SYTL2: variants seen among roughly 807,000 people sequenced by gnomAD.
SYTL2 encodes synaptotagmin like 2, also known as synaptotagmin-like protein 2.
In SYTL2, 165 loss-of-function variants were observed where a neutral mutation model predicts 198.7. The ratio of observed to expected loss-of-function variants is 0.83; its 90% CI spans 0.73 to 0.94. SYTL2 has a LOEUF of 0.94. SYTL2 is among the 40% of genes least tolerant of loss of function. The probability of loss-of-function intolerance (pLI) is 0.00; values close to 1 mark genes in which losing one functional copy is unlikely to be tolerated. For missense variants in SYTL2, 2,835 were observed against 2,582.8 expected, an observed-to-expected ratio of 1.10 and a Z score of -2.12; for synonymous variants, 966 against 917.7, an observed-to-expected ratio of 1.05 and a Z score of -0.95.
chr11:85,807,673 T>G (rs1404057867), intron 1 of SYTL2, among the ~76,000 whole-genome samples: 2 of 152,186 alleles, frequency 1.3e-5, no homozygotes. Flanking sequence ...CTGCTCAAAT[T>G]TTGCACATCA....
chr11:85,695,128 T>C lies in SYTL2; in HGVS notation c.*67A>G. On this transcript the variant is annotated 3_prime_UTR_variant, in exon 20 of 20. Transcript: ENST00000359152. ...AAAGTGAGGATATTTGTCCACCTAC[T>C]CAGATTTTCAAGATCAGATTCCACC... 7 of 1,508,828 alleles carry C rather than the reference T, an allele frequency of 4.6e-6. No individual in the cohort carries two copies. The East Asian group carries it at 1.1e-4, about 25-fold the overall frequency. The allele number at this position is 1,508,828 out of a possible 1,614,324, so 93.5% of individuals were successfully genotyped here. A position where few individuals can be genotyped will look rare whatever the true frequency, so the allele number is the denominator to read the frequency against.
chr11:85,701,651 T>C (rs2084313830), intron 16 of SYTL2, among the ~76,000 whole-genome samples: 1 of 152,232 alleles, frequency 6.6e-6, no homozygotes, highest in Admixed American at 6.5e-5. Flanking sequence ...CAAGTGATTT[T>C]GATATAACAT....
At chr11:85,722,112 T>A (rs1427582741) in intron 8 of SYTL2, among the ~76,000 whole-genome samples, 1 of 152,050 alleles carries the variant, frequency 6.6e-6, no homozygotes, top group African/African-American at 2.4e-5. Flanking sequence ...CTATACCATT[T>A]GATACTTCTT....
the SYTL2 span, among the ~76,000 whole-genome samples, chr11:85,842,911 C>T: frequency 3.3e-5 from 5 of 152,162 alleles, no homozygotes; most frequent in Non-Finnish European, 7.3e-5. Context: ...TAGTGCCTAG[C>T]TCATAGTAGC....
chr11:85,800,575 G>A (rs114924356), intron 1 of SYTL2, among the ~76,000 whole-genome samples: 5 of 152,208 alleles, frequency 3.3e-5, no homozygotes, highest in African/African-American at 1.2e-4. Flanking sequence ...CACTATGCCT[G>A]GCCCCCAGGA....
intron 16 of SYTL2, among the ~76,000 whole-genome samples, chr11:85,703,860 A>G (rs2084714443): frequency 6.6e-6 from 1 of 152,172 alleles, no homozygotes; most frequent in African/African-American, 2.4e-5. Flanking sequence ...AAAGTGGCAA[A>G]AGTTCTAATT....
the SYTL2 span, among the ~76,000 whole-genome samples, chr11:85,852,225 T>TA: frequency 6.6e-6 from 1 of 152,158 alleles, no homozygotes; most frequent in Non-Finnish European, 1.5e-5. Context: ...ACAGGTGACT[T>TA]ACGAAGGGAG....
In SYTL2 at chr11:85,775,053, G is replaced by A. The variant is rs566603317; in HGVS notation, c.-389-16939C>T. On this transcript the variant is annotated intron_variant, in intron 1 of 19. Coordinates refer to ENST00000359152, the MANE Select transcript of SYTL2 (RefSeq NM_206927.4). ...AAATGAATGCCAACACCATCACCAA[G>A]CTAGCTTAGGGAGAAAGAGATGAAT... Among the ~76,000 whole-genome samples, 216 of 151,688 alleles carry A rather than the reference G, an allele frequency of 1.4e-3. 2 individuals are homozygous for A. Among genetic ancestry groups the A allele is most frequent in the Non-Finnish European group, 8.8e-5 (6 of 67,940 alleles).
upstream of SYTL2, chr11:85,811,183 C>T (rs1012473542): frequency 6.6e-6 from 1 of 152,118 alleles, no homozygotes; most frequent in African/African-American, 2.4e-5. Flanking sequence ...CCCGCTACCC[C>T]CGCCCCCGGC....
Position 85,733,932 on chromosome 11 carries a change from C to T in SYTL2, c.1390+7G>A, listed in dbSNP as rs199953563. The T allele has an allele frequency of 1.6e-3, 2,604 of 1,612,780 alleles. 9 individuals carry two copies. Among genetic ancestry groups the T allele is most frequent in the Non-Finnish European group, 2.0e-3 (2,323 of 1,179,080 alleles). The stretch of plus-strand genomic sequence containing the variant: ...TTTTTATAATCTAGTAGTGACAACT[C>T]TCTTACCAGCAGGGCTTCTGGGTAA... On this transcript the variant is annotated splice_region_variant and intron_variant, in intron 7 of 19. Coordinates refer to ENST00000359152, the MANE Select transcript of SYTL2 (RefSeq NM_206927.4).
intron 17 of SYTL2, among the ~76,000 whole-genome samples, chr11:85,699,597 C>T (rs925891212): frequency 2.6e-5 from 4 of 152,154 alleles, no homozygotes; most frequent in African/African-American, 9.7e-5. Context: ...GTATAAACTA[C>T]ATCAGAATGC....
Position 85,727,754 on chromosome 11 carries a change from T to C in SYTL2, c.1604A>G (p.Asn535Ser), listed in dbSNP as rs753133788. ...TCGGGGATGTTGGAGGAATGACTTATTGTCATCTGAATAAGAACTTCGGTT... is the reference window on the plus strand; with the variant it reads ...TCGGGGATGTTGGAGGAATGACTTACTGTCATCTGAATAAGAACTTCGGTT... ...WFNRSSYSDD[N>S]KSFLQHPRGI... The change falls in exon 8 of 20, where the codon AAT becomes AGT. Residue 535 changes from asparagine to serine, a missense_variant. By Grantham distance (46) the Asn-to-Ser change is conservative. This residue lies in a region of SYTL2 where 2,645 missense variants were observed against 2,381.7 expected (regional missense o/e 1.11). Transcript: ENST00000359152. 6.4e-6 allele frequency: 10 copies of C among 1,560,194 alleles called. No individual in the cohort carries two copies. The highest frequency in any genetic ancestry group is 1.9e-5 in the Admixed American group (1 of 51,696).
the SYTL2 span, among the ~76,000 whole-genome samples, chr11:85,839,772 T>C: frequency 6.6e-6 from 1 of 152,352 alleles, no homozygotes; most frequent in African/African-American, 2.4e-5. Flanking sequence ...GTCAATATAC[T>C]GATTTCCTTT....
intron 16 of SYTL2, among the ~76,000 whole-genome samples, chr11:85,703,103 A>G (rs1448797290): frequency 6.6e-6 from 1 of 152,222 alleles, no homozygotes; most frequent in Non-Finnish European, 1.5e-5. Flanking sequence ...AATATAAGAA[A>G]AAAAGTATAC....
chr11:85,704,970 C>T lies in SYTL2; in HGVS notation c.6077G>A (p.Arg2026Gln), dbSNP rs762928106. 13 of 1,613,176 alleles carry T rather than the reference C, an allele frequency of 8.1e-6. No homozygotes were observed. Among genetic ancestry groups the T allele is most frequent in the Middle Eastern group, 1.6e-4 (1 of 6,080 alleles). ...TQKLNLSIWH[R>Q]DTFKRNSFLG... ...GAAACTATTGCGCTTAAATGTATCC[C>T]GATGCCAAATGGACAGGTTCAATTT... is the stretch of plus-strand genomic sequence containing the variant. Residue 2026 changes from arginine to glutamine, a missense_variant, in exon 16 of 20, where the codon CGG becomes CAG. Physicochemically the swap from Arg to Gln is conservative, Grantham distance 43. This residue lies in a region of SYTL2 where 2,645 missense variants were observed against 2,381.7 expected (regional missense o/e 1.11). Coordinates refer to ENST00000359152, the MANE Select transcript of SYTL2 (RefSeq NM_206927.4).
chr11:85,717,555 A>G, intron 10 of SYTL2, 25 bp from the exon 11 acceptor site: 2 of 1,593,982 alleles, frequency 1.3e-6, no homozygotes, highest in Non-Finnish European at 1.7e-6. Context: ...AACATTGAGA[A>G]TAAATACCAT....
Position 85,727,685 on chromosome 11 carries a change from G to A in SYTL2, c.1673C>T (p.Ala558Val), listed in dbSNP as rs1171964617. 11 of 1,541,538 alleles carry A rather than the reference G, an allele frequency of 7.1e-6. No homozygotes were observed. The highest frequency in any genetic ancestry group is 9.6e-6 in the Non-Finnish European group (11 of 1,146,934). Residue 558 changes from alanine (A) to valine (V), a missense_variant, in exon 8 of 20, where the codon GCT (alanine) becomes GTT (valine). By Grantham distance (64) the Ala-to-Val change is moderately conservative. Coordinates refer to ENST00000359152, the MANE Select transcript of SYTL2 (RefSeq NM_206927.4). ...KEKTDSKSQV[A>V]VDLVTDDTTL... ...AGTGTCATCTGTCACCAAGTCAACA[G>A]CAACCTGTGATTTTGAGTCTGTTTT...
At chr11:85,785,462 G>T (rs1331646073) in intron 1 of SYTL2, among the ~76,000 whole-genome samples, 1 of 152,116 alleles carries the variant, frequency 6.6e-6, no homozygotes, top group African/African-American at 2.4e-5. Context: ...AAAAATCCTT[G>T]TCTAACAGTT....
rs910502326 is a variant in SYTL2 at position 85,730,067 on chromosome 11, C to G, written c.1391-2100G>C. On this transcript the variant is annotated intron_variant, in intron 7 of 19. Transcript: ENST00000359152. Reference sequence around the variant, plus strand: ...GGAAGACGTTGAATCCCTGAATAGACCAATAACAAGTTCAGAAATGGAGGC... The same window carrying G: ...GGAAGACGTTGAATCCCTGAATAGAGCAATAACAAGTTCAGAAATGGAGGC... Among the ~76,000 whole-genome samples, 10 of 152,190 alleles carry G rather than the reference C, an allele frequency of 6.6e-5. No individual in the cohort carries two copies. The East Asian group carries it at 9.6e-4, about 15-fold the overall frequency.
Sources: allele counts gnomAD v4.1 joint callset (sites outside exome capture counted in the v4.1 genomes callset), GRCh38; gene constraint gnomAD v4.1.1; regional missense constraint gnomAD v4.1.1; transcripts MANE v1.5; gene names NCBI Gene and HGNC (gene_info 2026-07-23, HGNC 2026-07-21).